Variants in CAVIN4 observed in about 807,000 individuals in gnomAD.
CAVIN4 encodes caveolae associated protein 4.
A neutral mutation model predicts 18.6 loss-of-function variants in CAVIN4; 10 were observed. The observed-to-expected ratio is 0.54, with a 90% CI of 0.33 to 0.91. CAVIN4 has a LOEUF of 0.91. Among genes scored for constraint, CAVIN4 ranks in the 40% least tolerant of loss-of-function variants. The pLI is 0.02. For missense variants in CAVIN4, 459 were observed against 440.5 expected, an observed-to-expected ratio of 1.04 and a Z score of -0.38; for synonymous variants, 173 against 164.8, an observed-to-expected ratio of 1.05 and a Z score of -0.38.
intron 1 of CAVIN4, among the ~76,000 whole-genome samples, chr9:100,579,879 C>T (rs1183162439): frequency 6.6e-6 from 1 of 152,090 alleles, no homozygotes; most frequent in East Asian, 1.9e-4. Context: ...CTCCATAGCC[C>T]TCTGTTGACT....
At position 100,578,499 on chromosome 9, in the gene CAVIN4, T is replaced by A; in HGVS notation, c.356T>A (p.Val119Asp). The A allele has an allele frequency of 6.2e-7, 1 of 1,613,776 alleles. No individual in the cohort carries two copies. The highest frequency in any genetic ancestry group is 8.5e-7 in the Non-Finnish European group (1 of 1,179,936). ...CAAATTCATGTTAAAAAAGTTGAAG[T>A]CAAGCAAGAGGAAATAATGAAGAAA... ...KQQIHVKKVE[V>D]KQEEIMKKNK... The change falls in exon 1 of 2, where the codon GTC (valine) becomes GAC (aspartate). Residue 119 changes from valine (V) to aspartate (D), a missense_variant. Coordinates refer to ENST00000307584, the MANE Select transcript of CAVIN4 (RefSeq NM_001018116.2).
rs180681127 is a variant in CAVIN4 at position 100,580,163 on chromosome 9, G to A, written c.408+1612G>A. 2.0e-3 allele frequency among the ~76,000 whole-genome samples: 306 copies of A among 151,946 alleles called. 1 individual carries two copies. Among genetic ancestry groups the A allele is most frequent in the South Asian group, 9.8e-3 (47 of 4,806 alleles). ...AATAGAAAAGTTAACCAGGTGTGTC[G>A]TCGCGTGCCTGTGTTCCCTGCTACT... is the stretch of plus-strand genomic sequence containing the variant. On this transcript the variant is annotated intron_variant, in intron 1 of 1. Coordinates refer to ENST00000307584, the MANE Select transcript of CAVIN4 (RefSeq NM_001018116.2).
chr9:100,578,539 G>T lies in CAVIN4; in HGVS notation c.396G>T (p.Val132=), dbSNP rs1167483502. The T allele has an allele frequency of 6.2e-7, 1 of 1,613,054 alleles. No homozygotes were observed. ...TAATGAAGAAAAACAAATTCCGCGT[G>T]GTAATATTCCAGGTAAGCTTGCACT... is the stretch of plus-strand genomic sequence containing the variant. ...EEIMKKNKFR[V]VIFQEKFRCP... Residue 132 remains valine (V), a synonymous_variant, in exon 1 of 2, where the codon GTG becomes GTT. Transcript: ENST00000307584.
In CAVIN4 at chr9:100,582,925, T is replaced by A. The variant is rs1411481235; in HGVS notation, c.409-2840T>A. Among the ~76,000 whole-genome samples, 3 of 152,172 alleles carry A rather than the reference T, an allele frequency of 2.0e-5. No homozygotes were observed. In the East Asian group the frequency reaches 5.8e-4, roughly 29 times the overall value. On this transcript the variant is annotated intron_variant, in intron 1 of 1. Coordinates refer to ENST00000307584, the MANE Select transcript of CAVIN4 (RefSeq NM_001018116.2). ...AGCTTTTATCCCAACTTAGTGTGAA[T>A]ATTCATATTTTTTTTTGCCACAGAA... is the stretch of plus-strand genomic sequence containing the variant.
At chr9:100,578,988 A>G (rs2118600505) in intron 1 of CAVIN4, among the ~76,000 whole-genome samples, 1 of 152,322 alleles carries the variant, frequency 6.6e-6, no homozygotes, top group Non-Finnish European at 1.5e-5. Flanking sequence ...TTCTGCTTAT[A>G]TGGAGAGCCT....
chr9:100,585,937 A>G lies in CAVIN4; in HGVS notation c.581A>G (p.His194Arg), dbSNP rs2118614519. The G allele has an allele frequency of 6.2e-7, 1 of 1,614,218 alleles. No individual in the cohort carries two copies. The highest frequency in any genetic ancestry group is 8.5e-7 in the Non-Finnish European group (1 of 1,180,050). ...SARLRKSGKE[H>R]IDNIKKAFSK... is the part of the protein sequence containing the mutation. ...AGGCTTAGGAAGTCAGGCAAGGAGC[A>G]CATTGATAATATCAAGAAGGCATTT... is the stretch of plus-strand genomic sequence containing the variant. The change falls in exon 2 of 2, where the codon CAC becomes CGC. Residue 194 changes from histidine to arginine, a missense_variant. By Grantham distance (29) the His-to-Arg change is conservative. Coordinates refer to ENST00000307584, the MANE Select transcript of CAVIN4 (RefSeq NM_001018116.2).
rs1426367239 is a variant in CAVIN4, at chr9:100,585,922, A to G, written c.566A>G (p.Lys189Arg). ...VEESRSARLR[K>R]SGKEHIDNIK... Reference sequence around the variant, plus strand: ...GAAAGCAGATCTGCCAGGCTTAGGAAGTCAGGCAAGGAGCACATTGATAAT... The same window carrying G: ...GAAAGCAGATCTGCCAGGCTTAGGAGGTCAGGCAAGGAGCACATTGATAAT... The change falls in exon 2 of 2, where the codon AAG becomes AGG. Residue 189 changes from lysine to arginine, a missense_variant. Coordinates refer to ENST00000307584, the MANE Select transcript of CAVIN4 (RefSeq NM_001018116.2). 6.2e-7 allele frequency: 1 copy of G among 1,614,066 alleles called. No homozygotes were observed. The highest frequency in any genetic ancestry group is 2.2e-5 in the East Asian group (1 of 44,886).
intron 1 of CAVIN4, among the ~76,000 whole-genome samples, chr9:100,585,164 C>T (rs1324324869): frequency 6.6e-6 from 1 of 152,062 alleles, no homozygotes; most frequent in African/African-American, 2.4e-5. Context: ...AAGTTCAGGA[C>T]TGAGACGACA....
intron 1 of CAVIN4, among the ~76,000 whole-genome samples, chr9:100,582,103 A>C (rs73495725): frequency 0.028 from 4,279 of 152,276 alleles, 192 homozygotes; most frequent in African/African-American, 0.098. Context: ...AATAGATTTA[A>C]TCTGGATCTC....
chr9:100,585,404 C>A (rs148735614), intron 1 of CAVIN4, among the ~76,000 whole-genome samples: 192 of 152,224 alleles, frequency 1.3e-3, no homozygotes, highest in African/African-American at 4.3e-3. Flanking sequence ...GGTGGATGGG[C>A]CTTGATTTTT....
chr9:100,584,523 A>G (rs1407548544), intron 1 of CAVIN4, among the ~76,000 whole-genome samples: 1 of 152,262 alleles, frequency 6.6e-6, no homozygotes, highest in Non-Finnish European at 1.5e-5. Context: ...TCTGCTTTCA[A>G]GGAATCTGGA....
At position 100,586,368 on chromosome 9, in the gene CAVIN4, G is replaced by T; in HGVS notation, c.1012G>T (p.Glu338Ter). ...PHEGREIPTP[E>*]PLKVTFKSQV... ...TGAAGGAAGGGAAATCCCCACCCCC[G>T]AGCCTTTAAAAGTTACTTTTAAATC... The change falls in exon 2 of 2, where the codon GAG becomes TAG. Residue 338 changes from glutamate to a stop codon, truncating the protein, a stop_gained. Coordinates refer to ENST00000307584, the MANE Select transcript of CAVIN4 (RefSeq NM_001018116.2). LOFTEE classifies it high-confidence loss of function. 1 of 1,614,010 alleles carries T rather than the reference G, an allele frequency of 6.2e-7. No individual in the cohort carries two copies. The highest frequency in any genetic ancestry group is 2.2e-5 in the East Asian group (1 of 44,876).
At chr9:100,585,204 A>C (rs771758552) in intron 1 of CAVIN4, among the ~76,000 whole-genome samples, 2 of 152,170 alleles carry the variant, frequency 1.3e-5, no homozygotes, top group Non-Finnish European at 2.9e-5. Flanking sequence ...TGGTAGAGGG[A>C]ATGAAGAAGG....
chr9:100,579,073 A>G (rs766202682), intron 1 of CAVIN4, among the ~76,000 whole-genome samples: 3 of 152,246 alleles, frequency 2.0e-5, no homozygotes, highest in Admixed American at 6.5e-5. Context: ...ATAGATCACA[A>G]TGATAGCGAT....
rs1291935233 is a variant in CAVIN4 at position 100,578,243 on chromosome 9, G to T, written c.100G>T (p.Val34Leu). ...DEDQDAALTI[V>L]TVLDKVASIV... ...AGACCAAGACGCTGCTCTTACCATT[G>T]TGACTGTGCTGGACAAAGTAGCCTC... The change falls in exon 1 of 2, where the codon GTG becomes TTG. Residue 34 changes from valine to leucine, a missense_variant. Val to Leu is a conservative substitution (Grantham distance 32, BLOSUM62 1). Coordinates refer to ENST00000307584, the MANE Select transcript of CAVIN4 (RefSeq NM_001018116.2). 1.2e-6 allele frequency: 2 copies of T among 1,614,022 alleles called. No homozygotes were observed. The highest frequency in any genetic ancestry group is 1.7e-6 in the Non-Finnish European group (2 of 1,179,936).
At chr9:100,582,613 A>G (rs1052590827) in intron 1 of CAVIN4, among the ~76,000 whole-genome samples, 1 of 152,144 alleles carries the variant, frequency 6.6e-6, no homozygotes, top group Admixed American at 6.5e-5. Context: ...GATTATAGGC[A>G]TGAGCCACTG....
chr9:100,576,971 G>A (rs550375146), upstream of CAVIN4: 1 of 159,768 alleles, frequency 6.3e-6, no homozygotes, highest in East Asian at 1.8e-4. Flanking sequence ...GATGTTTACA[G>A]ATTACTTTTC....
At chr9:100,583,694 T>C (rs1839450131) in intron 1 of CAVIN4, among the ~76,000 whole-genome samples, 2 of 151,680 alleles carry the variant, frequency 1.3e-5, no homozygotes, top group African/African-American at 4.8e-5. Context: ...TCACCCAGGC[T>C]GGAGGGCAGT....
At position 100,583,846 on chromosome 9, in the gene CAVIN4, T is replaced by C. The variant is rs941255603; in HGVS notation, c.409-1919T>C. 5.9e-5 allele frequency among the ~76,000 whole-genome samples: 9 copies of C among 152,278 alleles called. No individual in the cohort carries two copies. In the East Asian group the frequency reaches 9.7e-4, roughly 16 times the overall value. On this transcript the variant is annotated intron_variant, in intron 1 of 1. Coordinates refer to ENST00000307584, the MANE Select transcript of CAVIN4 (RefSeq NM_001018116.2). ...ATTTTTAGTAGAGACTATTTTGCCA[T>C]GTTGGCCAGGCTGGTCTCGAACTCC...
Sources: gnomAD v4.1 joint callset for allele counts (sites outside exome capture counted in the v4.1 genomes callset) on GRCh38, gnomAD v4.1.1 for gene constraint, MANE v1.5 for transcripts, NCBI Gene and HGNC (gene_info 2026-07-23, HGNC 2026-07-21) for gene names.